Variants in SLC28A1 observed in about 807,000 individuals in gnomAD.
SLC28A1 encodes the protein sodium/nucleoside cotransporter 1.
SLC28A1 carries 64 observed loss-of-function variants against 74.8 expected under a neutral mutation model. The ratio of observed to expected loss-of-function variants is 0.86; its 90% CI spans 0.70 to 1.05. The LOEUF (loss-of-function observed/expected upper bound fraction) is 1.05. Ranked by LOEUF, SLC28A1 falls within the 50% of genes least tolerant of loss-of-function variation. The pLI is 0.00. For synonymous variants in SLC28A1, 359 were observed against 335.0 expected (o/e 1.07, Z -0.78); for missense variants, 828 against 822.8 (o/e 1.01, Z -0.08).
At position 84,899,949 on chromosome 15, in the gene SLC28A1, AAGG is replaced by A. The variant is rs1181345431; in HGVS notation, c.462-4146_462-4144del. ...AGGGAAAGAAAGAAAGAAAGGAAGG[AAGG>A]AAGGAAGGAAGGAAAGAAGGAAGGA... On this transcript the variant is annotated intron_variant, in intron 6 of 18. Coordinates refer to ENST00000394573, the MANE Select transcript of SLC28A1 (RefSeq NM_004213.5). Among the ~76,000 whole-genome samples the A allele has an allele frequency of 4.9e-3, 659 of 135,430 alleles. 3 individuals are homozygous for A. Among genetic ancestry groups the A allele is most frequent in the African/African-American group, 0.016 (627 of 38,692 alleles). 88.8% of individuals were successfully genotyped at this position (135,430 alleles called of 152,430 possible).
downstream of SLC28A1, among the ~76,000 whole-genome samples, chr15:84,946,168 T>TGGTCTC (rs1337109876): frequency 7.9e-6 from 1 of 126,212 alleles, no homozygotes; most frequent in African/African-American, 3.0e-5. Context: ...TTGCCCAGGC[T>TGGTCTC]AGTCTCAGAC....
rs1567140278 is a variant in SLC28A1, at chr15:84,906,553, TTTCTTTCTTTCTCTTTCTTTCTTC to T, written c.717+902_717+925del. Among the ~76,000 whole-genome samples the T allele has an allele frequency of 1.6e-4, 14 of 88,652 alleles. 1 individual carries two copies. The highest frequency in any genetic ancestry group is 6.4e-4 in the Admixed American group (5 of 7,798). The allele number at this position is 88,652 out of a possible 152,430, so 58.2% of individuals were successfully genotyped here. On this transcript the variant is annotated intron_variant, in intron 8 of 18. Coordinates refer to ENST00000394573, the MANE Select transcript of SLC28A1 (RefSeq NM_004213.5). ...GTTTCTTTCTTTCTTTCTTTCTTTC[TTTCTTTCTTTCTCTTTCTTTCTTC>T]CTTCCTTCCTTCCTTCCTTCCTTCC...
At chr15:84,903,146 T>A (rs1461619516) in intron 6 of SLC28A1, among the ~76,000 whole-genome samples, 1 of 152,218 alleles carries the variant, frequency 6.6e-6, no homozygotes, top group African/African-American at 2.4e-5. Context: ...GAGAAGAGTT[T>A]AAAAATATGA....
chr15:84,887,259 A>G (rs369946258), intron 2 of SLC28A1: 5 of 631,332 alleles, frequency 7.9e-6, no homozygotes, highest in African/African-American at 7.9e-5. Context: ...CTCTCTTCAG[A>G]AAAATGCCTG....
At chr15:84,925,151 C>T (rs1432638176) in intron 12 of SLC28A1, among the ~76,000 whole-genome samples, 1 of 143,264 alleles carries the variant, frequency 7.0e-6, no homozygotes, top group African/African-American at 2.6e-5. Flanking sequence ...GATCTCCTGA[C>T]CTTGTGATCT....
Position 84,945,303 on chromosome 15 carries a change from A to G in SLC28A1, c.*103A>G. 1.9e-6 allele frequency: 2 copies of G among 1,079,732 alleles called. No homozygotes were observed. The highest frequency in any genetic ancestry group is 1.9e-5 in the Admixed American group (1 of 52,836). The allele number at this position is 1,079,732 out of a possible 1,614,324, so 66.9% of individuals were successfully genotyped here. On this transcript the variant is annotated 3_prime_UTR_variant, in exon 19 of 19. Coordinates refer to ENST00000394573, the MANE Select transcript of SLC28A1 (RefSeq NM_004213.5). ...CCAGAGCCCTCTTCAGGGAAGCCAC[A>G]GGACTTAGACCCAGCTCAATCCCAC...
At chr15:84,943,324 A>G in intron 15 of SLC28A1, 121 bp from the exon 16 acceptor site, 1 of 731,102 alleles carries the variant, frequency 1.4e-6, no homozygotes, top group Non-Finnish European at 2.5e-6. Context: ...AGCACAGAGG[A>G]CTCAAAGGTC....
Position 84,887,627 on chromosome 15 carries a change from C to G in SLC28A1, c.-16-118C>G, listed in dbSNP as rs538964098. Reference sequence around the variant, plus strand: ...GCATAGGTGGCCCCCAGGCAGGGCTCTGGCTGTGCCAGGCATCTGCTCCCC... The same window carrying G: ...GCATAGGTGGCCCCCAGGCAGGGCTGTGGCTGTGCCAGGCATCTGCTCCCC... On this transcript the variant is annotated intron_variant, in intron 2 of 18. Transcript: ENST00000394573. The G allele has an allele frequency of 1.6e-4, 252 of 1,544,700 alleles. 2 individuals carry two copies. The African/African-American group carries it at 3.2e-3, about 20-fold the overall frequency.
intron 6 of SLC28A1, among the ~76,000 whole-genome samples, chr15:84,897,218 T>C (rs1002867547): frequency 1.8e-5 from 1 of 55,326 alleles, no homozygotes; most frequent in Middle Eastern, 9.1e-3. Context: ...CTACTAAAAA[T>C]AGCAAAAAAA....
downstream of SLC28A1, among the ~76,000 whole-genome samples, chr15:84,950,113 AAGCC>A (rs2079366593): frequency 6.6e-6 from 1 of 152,184 alleles, no homozygotes; most frequent in Non-Finnish European, 1.5e-5. Context: ...CTTGAGAATA[AAGCC>A]ATTTAGGAAA....
the SLC28A1 span, among the ~76,000 whole-genome samples, chr15:84,951,964 A>G: frequency 6.6e-6 from 1 of 152,206 alleles, no homozygotes; most frequent in African/African-American, 2.4e-5. Context: ...GGCTCACAGC[A>G]GTTTCCAGCC....
intron 6 of SLC28A1, among the ~76,000 whole-genome samples, chr15:84,901,519 AAAACAAAC>A (rs769249624): frequency 7.3e-6 from 1 of 136,922 alleles, no homozygotes; most frequent in Non-Finnish European, 1.6e-5. Context: ...AAAAAAACAA[AAAACAAAC>A]AAACAAACAA....
the SLC28A1 span, among the ~76,000 whole-genome samples, chr15:84,961,980 C>T: frequency 6.6e-6 from 1 of 152,128 alleles, no homozygotes; most frequent in African/African-American, 2.4e-5. Flanking sequence ...TGTTTCCTTG[C>T]CTTGGGTATT....
rs182952101 is a variant in SLC28A1, at chr15:84,935,096, G to T, written c.1285G>T (p.Ala429Ser). ...AISVKVVANI[A>S]ANLIAFLAVL... is the part of the protein sequence containing the mutation. ...CTCCGTGAAGGTGGTCGCCAACATC[G>T]CTGCCAACCTGATTGCGTTCCTGGC... is the stretch of plus-strand genomic sequence containing the variant. Residue 429 changes from alanine to serine, a missense_variant, in exon 14 of 19, where the codon GCT (alanine) becomes TCT (serine). Around this residue, in one of 3 missense-constraint regions of SLC28A1, gnomAD observed 767 missense variants for 753.5 expected, o/e 1.02. Coordinates refer to ENST00000394573, the MANE Select transcript of SLC28A1 (RefSeq NM_004213.5). The T allele has an allele frequency of 2.5e-6, 4 of 1,614,000 alleles. No homozygotes were observed. The highest frequency in any genetic ancestry group is 3.3e-5 in the Admixed American group (2 of 60,012).
the SLC28A1 span, among the ~76,000 whole-genome samples, chr15:84,951,666 G>C: frequency 6.6e-6 from 1 of 152,114 alleles, no homozygotes; most frequent in Non-Finnish European, 1.5e-5. Context: ...ATGGGAACAA[G>C]CTATTATTAA....
the SLC28A1 span, among the ~76,000 whole-genome samples, chr15:84,970,414 A>C: frequency 0.077 from 11,663 of 152,252 alleles, 543 homozygotes; most frequent in Middle Eastern, 0.11. Flanking sequence ...AAACCAATCA[A>C]CCTTGACCCT....
chr15:84,886,291 G>A, intron 1 of SLC28A1: 1 of 985,028 alleles, frequency 1.0e-6, no homozygotes, highest in South Asian at 4.7e-5. Flanking sequence ...TCCCCATCTA[G>A]TGAGAAAGGG....
the SLC28A1 span, among the ~76,000 whole-genome samples, chr15:84,968,388 A>C: frequency 1.3e-5 from 2 of 152,214 alleles, no homozygotes; most frequent in African/African-American, 4.8e-5. Flanking sequence ...TGGAAGATCT[A>C]CTTCCAAGAT....
the SLC28A1 span, among the ~76,000 whole-genome samples, chr15:84,968,803 A>T: frequency 5.9e-5 from 9 of 152,252 alleles, no homozygotes; most frequent in African/African-American, 2.2e-4. Context: ...CTGATATCTC[A>T]TCCCCAAAGT....
Sources: gnomAD v4.1 joint callset for allele counts (sites outside exome capture counted in the v4.1 genomes callset) on GRCh38, gnomAD v4.1.1 for gene constraint, gnomAD v4.1.1 regional missense constraint, MANE v1.5 for transcripts, NCBI Gene and HGNC (gene_info 2026-07-23, HGNC 2026-07-21) for gene names.